Variants in TANC2 observed in about 807,000 individuals in gnomAD.
TANC2 encodes the protein protein TANC2.
A neutral mutation model predicts 210.5 loss-of-function variants in TANC2; 26 were observed. That is an observed-to-expected ratio of 0.12 (90% confidence interval 0.09 to 0.17). The LOEUF (loss-of-function observed/expected upper bound fraction) is 0.17, where lower values mean the gene tolerates loss of function less well. Among genes scored for constraint, TANC2 ranks in the 10% least tolerant of loss-of-function variants. TANC2 has a pLI of 1.00. For missense variants in TANC2, 2,129 were observed against 2,608.9 expected, an observed-to-expected ratio of 0.82 and a Z score of 4.01; for synonymous variants, 931 against 967.1, an observed-to-expected ratio of 0.96 and a Z score of 0.69.
chr17:63,221,423 A>G (rs1311129161), intron 7 of TANC2, among the ~76,000 whole-genome samples: 10 of 147,708 alleles, frequency 6.8e-5, no homozygotes, highest in Admixed American at 1.3e-4. Context: ...AGCCTGGGCA[A>G]CAGAGTGAGA....
In TANC2 at chr17:63,398,804, A is replaced by T; in HGVS notation, c.3238-17A>T. ...TTTTCCACCTGAAGTTTGAGCTGAC[A>T]CAACTTCTTGTTTCAGATTGTCTCC... is the stretch of plus-strand genomic sequence containing the variant. On this transcript the variant is annotated splice_polypyrimidine_tract_variant and intron_variant, in intron 18 of 27. Coordinates refer to ENST00000689528, the Ensembl canonical transcript of TANC2. 6.4e-7 allele frequency: 1 copy of T among 1,556,986 alleles called. No individual in the cohort carries two copies. Among genetic ancestry groups the T allele is most frequent in the Non-Finnish European group, 8.7e-7 (1 of 1,147,562 alleles).
chr17:63,136,351 ATAGAACTTATG>A (rs2039088428), intron 4 of TANC2, among the ~76,000 whole-genome samples: 1 of 152,174 alleles, frequency 6.6e-6, no homozygotes, highest in African/African-American at 2.4e-5. Context: ...TTGCATGAAA[ATAGAACTTATG>A]TAGAAGGAAC....
At chr17:63,087,681 T>G (rs777763229) in intron 3 of TANC2, among the ~76,000 whole-genome samples, 23 of 152,164 alleles carry the variant, frequency 1.5e-4, no homozygotes, top group Admixed American at 2.6e-4. Context: ...GAGATAAAAC[T>G]CACAAAAGAT....
intron 8 of TANC2, among the ~76,000 whole-genome samples, chr17:63,249,587 A>T (rs752334846): frequency 6.6e-6 from 1 of 152,226 alleles, no homozygotes; most frequent in East Asian, 1.9e-4. Context: ...GGCCATCTAC[A>T]TGTTAATGCT....
At chr17:63,250,468 AGC>A (rs972728928) in intron 8 of TANC2, among the ~76,000 whole-genome samples, 1 of 152,072 alleles carries the variant, frequency 6.6e-6, no homozygotes, top group Non-Finnish European at 1.5e-5. Flanking sequence ...TAGTAAGACT[AGC>A]GCTATAAGGT....
At chr17:63,355,141 T>A (rs1335463551) in exon 14 of TANC2, 1 of 1,613,856 alleles carries the variant, frequency 6.2e-7, no homozygotes, top group Non-Finnish European at 8.5e-7. Flanking sequence ...TTTGACCGGG[T>A]GATGCCTCTC....
At chr17:63,368,458 G>A (rs1203242153) in intron 14 of TANC2, among the ~76,000 whole-genome samples, 1 of 152,152 alleles carries the variant, frequency 6.6e-6, no homozygotes, top group Non-Finnish European at 1.5e-5. Flanking sequence ...AGTACTAAAC[G>A]AGATCACCCA....
At chr17:63,291,288 G>A (rs2044375762) in intron 9 of TANC2, among the ~76,000 whole-genome samples, 1 of 152,194 alleles carries the variant, frequency 6.6e-6, no homozygotes, top group East Asian at 1.9e-4. Flanking sequence ...ATATAGTACA[G>A]AGCAGTGATT....
intron 3 of TANC2, among the ~76,000 whole-genome samples, chr17:63,090,526 A>G (rs1489349262): frequency 1.3e-5 from 2 of 152,210 alleles, no homozygotes; most frequent in Non-Finnish European, 2.9e-5. Context: ...GTCCCTACAA[A>G]GGACACGAAC....
chr17:62,995,246 T>C (rs2033052210), intron 1 of TANC2, among the ~76,000 whole-genome samples: 1 of 152,226 alleles, frequency 6.6e-6, no homozygotes, highest in Non-Finnish European at 1.5e-5. Flanking sequence ...CAGCCTGCAG[T>C]GGCTTAGATA....
At chr17:62,988,118 T>C (rs1212054375) in intron 1 of TANC2, among the ~76,000 whole-genome samples, 2 of 152,092 alleles carry the variant, frequency 1.3e-5, no homozygotes, top group Non-Finnish European at 2.9e-5. Context: ...TCAAGATGTC[T>C]TAGACTAGAC....
chr17:63,165,630 C>T (rs2040186340), intron 5 of TANC2, among the ~76,000 whole-genome samples: 1 of 152,154 alleles, frequency 6.6e-6, no homozygotes, highest in Admixed American at 6.5e-5. Flanking sequence ...TATTGTGCAA[C>T]TTCTAGAAAA....
intron 5 of TANC2, among the ~76,000 whole-genome samples, chr17:63,175,499 C>A (rs1370495611): frequency 7.1e-6 from 1 of 140,784 alleles, no homozygotes; most frequent in Non-Finnish European, 1.5e-5. Context: ...TGCACTCTTA[C>A]CTGGGCGACG....
At chr17:63,194,757 T>C (rs1389698235) in intron 6 of TANC2, among the ~76,000 whole-genome samples, 3 of 152,172 alleles carry the variant, frequency 2.0e-5, no homozygotes, top group Non-Finnish European at 1.5e-5. Context: ...TACTTAGAAG[T>C]GTATTACTCA....
chr17:63,208,013 T>A (rs951713749), intron 7 of TANC2, among the ~76,000 whole-genome samples: 5 of 152,214 alleles, frequency 3.3e-5, no homozygotes, highest in Admixed American at 1.3e-4. Context: ...TATTAGCCAA[T>A]TAGGTTTCCT....
chr17:63,421,346 T>G lies in TANC2; in HGVS notation c.5616T>G (p.Ser1872Arg). Residue 1872 changes from serine to arginine, a missense_variant, in exon 28 of 28, where the codon AGT becomes AGG. Coordinates refer to ENST00000689528, the Ensembl canonical transcript of TANC2. The surrounding 1 kb of genome is among the most constrained non-coding windows in gnomAD (Gnocchi z 6.9). ...TTCGCTTCTCTCCATCTAGCAATAG[T>G]ATCTCCTCCACCTCCAACCTAACTC... The G allele has an allele frequency of 6.2e-7, 1 of 1,614,054 alleles. No homozygotes were observed. Among genetic ancestry groups the G allele is most frequent in the Non-Finnish European group, 8.5e-7 (1 of 1,179,892 alleles).
At chr17:63,274,706 T>C (rs2043819875) in intron 9 of TANC2, among the ~76,000 whole-genome samples, 1 of 152,106 alleles carries the variant, frequency 6.6e-6, no homozygotes, top group South Asian at 2.1e-4. Context: ...TAGTCCCAGC[T>C]ACTCAGGAGG....
At chr17:63,367,891 T>C (rs1425932705) in intron 14 of TANC2, among the ~76,000 whole-genome samples, 5 of 152,202 alleles carry the variant, frequency 3.3e-5, no homozygotes, top group Admixed American at 1.3e-4. Context: ...TGTAGCCTTT[T>C]GAGAAGGAAG....
chr17:63,343,675 C>G (rs1207270482), intron 12 of TANC2, among the ~76,000 whole-genome samples: 1 of 152,118 alleles, frequency 6.6e-6, no homozygotes, highest in Non-Finnish European at 1.5e-5. Context: ...GAGGCCAGGG[C>G]AGGAGGATCA....
Sources: gnomAD v4.1 joint callset for allele counts (sites outside exome capture counted in the v4.1 genomes callset) on GRCh38, gnomAD v4.1.1 for gene constraint, Gnocchi (gnomAD v3.1) non-coding constraint, MANE v1.5 for transcripts, NCBI Gene and HGNC (gene_info 2026-07-23, HGNC 2026-07-21) for gene names.